JAG1: variants seen among roughly 807,000 people sequenced by gnomAD.
The protein encoded by JAG1 is protein jagged-1.
A neutral mutation model predicts 148.7 loss-of-function variants in JAG1; 23 were observed. The ratio of observed to expected loss-of-function variants is 0.15; its 90% CI spans 0.11 to 0.22. JAG1 has a LOEUF of 0.22. JAG1 is among the 10% of genes least tolerant of loss of function. The probability of loss-of-function intolerance (pLI) is 1.00; values close to 1 mark genes in which losing one functional copy is unlikely to be tolerated. For synonymous variants in JAG1, 572 were observed against 598.3 expected (o/e 0.96, Z 0.64); for missense variants, 1,054 against 1,611.2 (o/e 0.65, Z 5.92).
At position 10,641,941 on chromosome 20, in the gene JAG1, G is replaced by A. The variant is rs144886349; in HGVS notation, c.2573-49C>T. ...AGTTTATTTTTCTGTGAACCGGATC[G>A]GGGTTCAATTCTTTGGTCCCTGTTA... is the stretch of plus-strand genomic sequence containing the variant. On this transcript the variant is annotated intron_variant, in intron 21 of 25. Coordinates refer to ENST00000254958, the MANE Select transcript of JAG1 (RefSeq NM_000214.3). 674 of 1,237,806 alleles carry A rather than the reference G, an allele frequency of 5.4e-4. 9 individuals carry two copies. The East Asian group carries it at 0.013, about 23-fold the overall frequency. 76.7% of individuals were successfully genotyped at this position (1,237,806 alleles called of 1,614,324 possible). A position where few individuals can be genotyped will look rare whatever the true frequency, so the allele number is the denominator to read the frequency against.
At chr20:10,667,420 A>G (rs1174159387) in intron 2 of JAG1, among the ~76,000 whole-genome samples, 1 of 152,084 alleles carries the variant, frequency 6.6e-6, no homozygotes, top group Non-Finnish European at 1.5e-5. Context: ...ATTTCAGTCA[A>G]TTCGGCCAAC....
Position 10,641,163 on chromosome 20 carries a change from T to G in JAG1, c.2998A>C (p.Ile1000Leu), listed in dbSNP as rs773974344. Residue 1000 changes from isoleucine to leucine, a missense_variant, in exon 24 of 26, where the codon ATC (isoleucine) becomes CTC (leucine). Around this residue, in one of 6 missense-constraint regions of JAG1, gnomAD observed 342 missense variants for 514.6 expected, o/e 0.66. Coordinates refer to ENST00000254958, the MANE Select transcript of JAG1 (RefSeq NM_000214.3). ...GCTGAAGGGGAAGGCTCGCAAGCGA[T>G]GTAGATTGAATATTCAGCGGAAACA... ...KNVSAEYSIY[I>L]ACEPSPSANN... The G allele has an allele frequency of 5.6e-6, 9 of 1,614,076 alleles. No individual in the cohort carries two copies. Among genetic ancestry groups the G allele is most frequent in the Non-Finnish European group, 7.6e-6 (9 of 1,180,036 alleles).
chr20:10,646,925 T>A lies in JAG1; in HGVS notation c.1885+14A>T, dbSNP rs771887771. The A allele has an allele frequency of 1.2e-6, 2 of 1,613,534 alleles. No homozygotes were observed. The highest frequency in any genetic ancestry group is 1.7e-6 in the Non-Finnish European group (2 of 1,179,728). On this transcript the variant is annotated intron_variant, in intron 14 of 25. Coordinates refer to ENST00000254958, the MANE Select transcript of JAG1 (RefSeq NM_000214.3). ...TGGGGAGCACTGGTCCATTCCCGGA[T>A]GAGGGAGTCTTACTTTCATGGCAGT...
chr20:10,661,842 T>C (rs930244068), intron 3 of JAG1, among the ~76,000 whole-genome samples: 22 of 152,192 alleles, frequency 1.4e-4, no homozygotes, highest in African/African-American at 5.1e-4. Flanking sequence ...GGCAGGCAGA[T>C]TCAAGTGAAG....
chr20:10,665,351 A>T (rs1021303579), intron 2 of JAG1, among the ~76,000 whole-genome samples: 1 of 152,214 alleles, frequency 6.6e-6, no homozygotes, highest in East Asian at 1.9e-4. Context: ...GCAGAGTAGG[A>T]TTCCATTTCG....
chr20:10,641,265 C>A (rs371083907), intron 23 of JAG1, 21 bp from the exon 24 acceptor site: 1 of 1,612,816 alleles, frequency 6.2e-7, no homozygotes, highest in Admixed American at 1.7e-5. Flanking sequence ...TTTTAAAAAC[C>A]CACACACGTG....
chr20:10,646,478 G>A (rs567485835), intron 14 of JAG1: 1 of 358,620 alleles, frequency 2.8e-6, no homozygotes, highest in African/African-American at 2.1e-5. Flanking sequence ...GTCTCAACCA[G>A]TCTCCCCAGC....
In JAG1 at chr20:10,641,160, C is replaced by T. The variant is rs200593413; in HGVS notation, c.3001G>A (p.Ala1001Thr). The change falls in exon 24 of 26, where the codon GCT becomes ACT. Residue 1001 changes from alanine (A) to threonine (T), a missense_variant. By Grantham distance (58) the Ala-to-Thr change is moderately conservative. This residue lies in a region of JAG1 where 342 missense variants were observed against 514.6 expected (regional missense o/e 0.66). Coordinates refer to ENST00000254958, the MANE Select transcript of JAG1 (RefSeq NM_000214.3). ...NVSAEYSIYI[A>T]CEPSPSANNE... ...TTCGCTGAAGGGGAAGGCTCGCAAG[C>T]GATGTAGATTGAATATTCAGCGGAA... is the stretch of plus-strand genomic sequence containing the variant. 32 of 1,613,832 alleles carry T rather than the reference C, an allele frequency of 2.0e-5. No homozygotes were observed. Among genetic ancestry groups the T allele is most frequent in the South Asian group, 5.5e-5 (5 of 91,088 alleles).
intron 8 of JAG1, chr20:10,650,581 G>A: frequency 1.8e-6 from 1 of 543,846 alleles, no homozygotes; most frequent in South Asian, 2.0e-5. Context: ...CCCAACCTAA[G>A]CAGTGGGGGA....
chr20:10,654,899 G>T (rs1462805328), intron 5 of JAG1, among the ~76,000 whole-genome samples: 1 of 152,268 alleles, frequency 6.6e-6, no homozygotes, highest in East Asian at 1.9e-4. Context: ...GTCGGCCTCC[G>T]CTGATATCCA....
In JAG1 at chr20:10,641,776, G is replaced by C. The variant is rs760941485; in HGVS notation, c.2682+7C>G. On this transcript the variant is annotated splice_region_variant and intron_variant, in intron 22 of 25. Coordinates refer to ENST00000254958, the MANE Select transcript of JAG1 (RefSeq NM_000214.3). ...ACAGGTGAACTGCGGCAGCCATCAT[G>C]TCCTACCTTTGAGCAGGCGATCCGT... The C allele has an allele frequency of 1.2e-6, 2 of 1,611,492 alleles. No homozygotes were observed. The highest frequency in any genetic ancestry group is 2.7e-5 in the African/African-American group (2 of 74,866).
intron 10 of JAG1, 52 bp from the exon 11 acceptor site, chr20:10,649,159 G>C (rs1019576503): frequency 7.9e-6 from 10 of 1,267,902 alleles, no homozygotes; most frequent in Non-Finnish European, 1.2e-5. Flanking sequence ...AGTGAAATTG[G>C]GCTTAATTGA....
At chr20:10,667,121 C>G (rs926336186) in intron 2 of JAG1, among the ~76,000 whole-genome samples, 1 of 152,252 alleles carries the variant, frequency 6.6e-6, no homozygotes, top group African/African-American at 2.4e-5. Flanking sequence ...AAACCAAGCC[C>G]TGAGAAGCGG....
intron 12 of JAG1, 144 bp downstream of exon 12, chr20:10,648,405 C>T (rs145276428): frequency 2.6e-6 from 2 of 772,190 alleles, no homozygotes; most frequent in East Asian, 2.6e-5. Context: ...CAGCATTTGT[C>T]TAGCAGAGAC....
intron 13 of JAG1, 28 bp downstream of exon 13, chr20:10,647,931 AC>A: frequency 6.2e-7 from 1 of 1,613,310 alleles, no homozygotes. Context: ...AAGTCTGGAG[AC>A]AGCCAGGTCC....
chr20:10,667,556 G>A (rs538663785), intron 2 of JAG1, among the ~76,000 whole-genome samples: 5 of 152,308 alleles, frequency 3.3e-5, no homozygotes, highest in African/African-American at 7.2e-5. Flanking sequence ...CACACAATGC[G>A]AGTGGGTTTT....
intron 2 of JAG1, among the ~76,000 whole-genome samples, chr20:10,667,896 C>T (rs911450841): frequency 3.3e-5 from 5 of 152,142 alleles, no homozygotes; most frequent in African/African-American, 7.2e-5. Flanking sequence ...CCAAGCACAA[C>T]GGTCTGGTTC....
chr20:10,642,055 C>T (rs565131840), intron 21 of JAG1, among the ~76,000 whole-genome samples, 163 bp from the exon 22 acceptor site: 1 of 152,278 alleles, frequency 6.6e-6, no homozygotes, highest in East Asian at 1.9e-4. Flanking sequence ...GCTGGCTCTG[C>T]GCTTGGCCAC....
At chr20:10,658,772 C>T (rs763599686) in intron 3 of JAG1, 50 bp from the exon 4 acceptor site, 6 of 1,606,888 alleles carry the variant, frequency 3.7e-6, no homozygotes, top group Middle Eastern at 1.8e-4. Flanking sequence ...CAGCCTTCTT[C>T]CCTGACCATT....
Sources: allele counts gnomAD v4.1 joint callset (sites outside exome capture counted in the v4.1 genomes callset), GRCh38; gene constraint gnomAD v4.1.1; regional missense constraint gnomAD v4.1.1; transcripts MANE v1.5; gene names NCBI Gene and HGNC (gene_info 2026-07-23, HGNC 2026-07-21).